Variants in RSRP1 observed in about 807,000 individuals in gnomAD.
The protein encoded by RSRP1 is arginine/serine-rich protein 1.
In RSRP1, 37 loss-of-function variants were observed where a neutral mutation model predicts 33.0. The ratio of observed to expected loss-of-function variants is 1.12; its 90% CI spans 0.86 to 1.48. RSRP1 has a LOEUF of 1.48. Ranked by LOEUF, RSRP1 falls within the 40% of genes most tolerant of loss-of-function variation. RSRP1 has a pLI of 0.00. For missense variants in RSRP1, 402 were observed against 385.3 expected, an observed-to-expected ratio of 1.04 and a Z score of -0.36; for synonymous variants, 167 against 158.7, an observed-to-expected ratio of 1.05 and a Z score of -0.40.
rs1294152803 is a variant in RSRP1, at chr1:25,279,079, G to T, written c.-66-32050C>A. Among the ~76,000 whole-genome samples, 20 of 129,484 alleles carry T rather than the reference G, an allele frequency of 1.5e-4. 7 individuals carry two copies. The highest frequency in any genetic ancestry group is 3.5e-4 in the Non-Finnish European group (19 of 55,038). The allele number at this position is 129,484 out of a possible 152,430, so 84.9% of individuals were successfully genotyped here. ...GCGCAGATCCAGAATCACGGAGGCA[G>T]CTGACCGGAGGAGGCAGCTGCCCAA... On this transcript the variant is annotated intron_variant, in intron 1 of 1. Transcript: ENST00000561867.
intron 1 of RSRP1, among the ~76,000 whole-genome samples, chr1:25,269,009 G>A (rs1168589912): frequency 7.7e-6 from 1 of 130,066 alleles, no homozygotes; most frequent in Admixed American, 7.5e-5. Context: ...GATGGTGGAG[G>A]ATCCAGGGAG....
chr1:25,288,674 C>G lies in RSRP1; in HGVS notation c.-66-41645G>C, dbSNP rs2124636016. Among the ~76,000 whole-genome samples the G allele has an allele frequency of 1.6e-5, 2 of 127,888 alleles. 1 individual carries two copies. The highest frequency in any genetic ancestry group is 5.4e-5 in the African/African-American group (2 of 36,796). The allele number at this position is 127,888 out of a possible 152,430, so 83.9% of individuals were successfully genotyped here. ...AGTGATTAAATAAATTGCCCAGGAT[C>G]ACACAGCCAGAAAGTGTCTGAGTCA... is the stretch of plus-strand genomic sequence containing the variant. On this transcript the variant is annotated intron_variant, in intron 1 of 1. Transcript: ENST00000561867.
chr1:25,286,764 T>C (rs1475341487), intron 1 of RSRP1, among the ~76,000 whole-genome samples: 1 of 125,652 alleles, frequency 8.0e-6, no homozygotes, highest in Non-Finnish European at 1.8e-5. Flanking sequence ...CCAGCCTGGG[T>C]GACAGAGCGA....
At chr1:25,323,791 A>G (rs1644836576) in intron 1 of RSRP1, among the ~76,000 whole-genome samples, 1 of 126,440 alleles carries the variant, frequency 7.9e-6, no homozygotes, top group Admixed American at 7.7e-5. Context: ...GGAATCATGC[A>G]GCACGTACTG....
In RSRP1 at chr1:25,290,840, C is replaced by G. The variant is rs1329538188; in HGVS notation, c.-66-43811G>C. On this transcript the variant is annotated intron_variant, in intron 1 of 1. Transcript: ENST00000561867. Reference sequence around the variant, plus strand: ...GGACCTGGGAGAAAAGGGCCAAAAGCTCCATTTGGTGGGGTTTCCAGGGTT... The same window carrying G: ...GGACCTGGGAGAAAAGGGCCAAAAGGTCCATTTGGTGGGGTTTCCAGGGTT... 4 of 1,360,274 alleles carry G rather than the reference C, an allele frequency of 2.9e-6. 1 individual carries two copies. The African/African-American group carries it at 5.7e-5, about 19-fold the overall frequency. 84.3% of individuals were successfully genotyped at this position (1,360,274 alleles called of 1,614,324 possible).
rs1290129717 is a variant in RSRP1 at position 25,264,623 on chromosome 1, C to G, written c.-66-17594G>C. ...ATGGGAGGGGTTGCCATAAAGACCT[C>G]TGACATGCCCTGGAGACATTTTCCC... On this transcript the variant is annotated intron_variant, in intron 1 of 1. Transcript: ENST00000561867. Among the ~76,000 whole-genome samples the G allele has an allele frequency of 4.6e-5, 7 of 151,286 alleles. No individual in the cohort carries two copies. The East Asian group carries it at 1.4e-3, about 30-fold the overall frequency.
intron 1 of RSRP1, among the ~76,000 whole-genome samples, chr1:25,289,621 G>A (rs1302562320): frequency 8.0e-6 from 1 of 125,688 alleles, no homozygotes; most frequent in African/African-American, 2.7e-5. Flanking sequence ...CCCAGAGGGA[G>A]GAGGGAGTCT....
At chr1:25,301,121 C>A in intron 1 of RSRP1, 1 of 1,371,364 alleles carries the variant, frequency 7.3e-7, no homozygotes, top group Non-Finnish European at 1.0e-6. Flanking sequence ...TGAGTGGTCT[C>A]CTACTTGGGC....
intron 1 of RSRP1, among the ~76,000 whole-genome samples, chr1:25,282,444 A>G (rs1161202922): frequency 1.5e-5 from 2 of 131,316 alleles, no homozygotes; most frequent in East Asian, 3.9e-4. Context: ...CATGTTGGCC[A>G]GGCTAGTCTC....
rs193190314 is a variant in RSRP1 at position 25,282,358 on chromosome 1, G to C, written c.-66-35329C>G. ...CAAGCGATTCTCCTGCCTGCCTCCC[G>C]AGTAGCTGGGATTACAGGTGCCCAC... On this transcript the variant is annotated intron_variant, in intron 1 of 1. Transcript: ENST00000561867. 2.3e-5 allele frequency among the ~76,000 whole-genome samples: 3 copies of C among 130,908 alleles called. 1 individual carries two copies. Among genetic ancestry groups the C allele is most frequent in the Non-Finnish European group, 5.4e-5 (3 of 55,366 alleles). 85.9% of individuals were successfully genotyped at this position (130,908 alleles called of 152,430 possible).
Position 25,265,493 on chromosome 1 carries a change from G to A in RSRP1, c.-66-18464C>T, listed in dbSNP as rs1192715366. Among the ~76,000 whole-genome samples, 2 of 112,138 alleles carry A rather than the reference G, an allele frequency of 1.8e-5. 1 individual carries two copies. The highest frequency in any genetic ancestry group is 1.7e-4 in the Admixed American group (2 of 11,460). The allele number at this position is 112,138 out of a possible 152,430, so 73.6% of individuals were successfully genotyped here. A position where few individuals can be genotyped will look rare whatever the true frequency, so the allele number is the denominator to read the frequency against. On this transcript the variant is annotated intron_variant, in intron 1 of 1. Coordinates refer to the RSRP1 transcript ENST00000561867. ...ACACTTGTTTTTTTTTTTTGAGACA[G>A]AGTCTCACCTGTTGCCTAGACTAGA...
At chr1:25,251,756 T>C (rs1346460174), upstream of RSRP1, among the ~76,000 whole-genome samples, 1 of 152,184 alleles carries the variant, frequency 6.6e-6, no homozygotes, top group African/African-American at 2.4e-5. Context: ...CTAACGATCA[T>C]TCCCTAGAGG....
intron 1 of RSRP1, among the ~76,000 whole-genome samples, chr1:25,260,762 G>A (rs1423431204): frequency 1.3e-5 from 2 of 151,620 alleles, no homozygotes; most frequent in East Asian, 3.9e-4. Flanking sequence ...TCCTCATAGA[G>A]CCTGTCCTCT....
intron 1 of RSRP1, among the ~76,000 whole-genome samples, chr1:25,313,264 C>A (rs1478529186): frequency 7.6e-6 from 1 of 131,680 alleles, no homozygotes; most frequent in African/African-American, 2.6e-5. Flanking sequence ...GCAAGAAGGT[C>A]CTCAACAGAT....
At chr1:25,248,734 C>A (rs1422490976), upstream of RSRP1, among the ~76,000 whole-genome samples, 1 of 152,348 alleles carries the variant, frequency 6.6e-6, no homozygotes, top group East Asian at 1.9e-4. Context: ...CCTGAGGATG[C>A]ATCATGATGG....
At chr1:25,254,933 C>T (rs537836334) in intron 1 of RSRP1, among the ~76,000 whole-genome samples, 4 of 152,274 alleles carry the variant, frequency 2.6e-5, no homozygotes, top group South Asian at 2.1e-4. Flanking sequence ...CAGTCACGTC[C>T]GTGCCTAATG....
At chr1:25,267,883 G>GC (rs1477436433) in intron 1 of RSRP1, 1 of 131,850 alleles carries the variant, frequency 7.6e-6, no homozygotes, top group Non-Finnish European at 1.8e-5. Context: ...GCGGCGGAAA[G>GC]CCCCTGAACC....
At chr1:25,307,713 C>T (rs566385768) in intron 1 of RSRP1, 7 of 1,308,218 alleles carry the variant, frequency 5.4e-6, no homozygotes, top group Admixed American at 4.2e-5. Flanking sequence ...TGCGTTTGGA[C>T]GTGTCTCAGA....
At position 25,284,811 on chromosome 1, in the gene RSRP1, G is replaced by A. The variant is rs551101938; in HGVS notation, c.-66-37782C>T. 24 of 1,336,552 alleles carry A rather than the reference G, an allele frequency of 1.8e-5. 1 individual carries two copies. The Middle Eastern group carries it at 5.5e-4, about 31-fold the overall frequency. The allele number at this position is 1,336,552 out of a possible 1,614,324, so 82.8% of individuals were successfully genotyped here. A position where few individuals can be genotyped will look rare whatever the true frequency, so the allele number is the denominator to read the frequency against. On this transcript the variant is annotated intron_variant, in intron 1 of 1. Coordinates refer to the RSRP1 transcript ENST00000561867. ...CTGGGTCATAGAGGGAATGGACCCC[G>A]AAAGGACAGGTTCCAGAAGATCTGG...
Sources: allele counts gnomAD v4.1 joint callset (sites outside exome capture counted in the v4.1 genomes callset), GRCh38; gene constraint gnomAD v4.1.1; transcripts MANE v1.5; gene names NCBI Gene and HGNC (gene_info 2026-07-23, HGNC 2026-07-21).